GPHN: variants seen among roughly 807,000 people sequenced by gnomAD.
GPHN encodes the protein gephyrin.
A neutral mutation model predicts 95.5 loss-of-function variants in GPHN; 17 were observed. The ratio of observed to expected loss-of-function variants is 0.18; its 90% CI spans 0.12 to 0.27. The LOEUF (loss-of-function observed/expected upper bound fraction) is 0.27, where lower values mean the gene tolerates loss of function less well. Among genes scored for constraint, GPHN ranks in the 10% least tolerant of loss-of-function variants. The pLI, the probability that GPHN is intolerant of heterozygous loss-of-function variation, is 1.00. For missense variants in GPHN, 660 were observed against 978.1 expected, an observed-to-expected ratio of 0.67 and a Z score of 4.34; for synonymous variants, 320 against 322.5, an observed-to-expected ratio of 0.99 and a Z score of 0.08.
the GPHN span, among the ~76,000 whole-genome samples, chr14:67,553,532 C>T: frequency 6.6e-6 from 1 of 152,176 alleles, no homozygotes; most frequent in African/African-American, 2.4e-5. Flanking sequence ...TGGCTCCAGC[C>T]TCTGATCTCT....
chr14:67,307,041 G>C, the GPHN span, among the ~76,000 whole-genome samples: 1 of 151,706 alleles, frequency 6.6e-6, no homozygotes, highest in Non-Finnish European at 1.5e-5. Flanking sequence ...ATGATGTCAT[G>C]TATGGCAATA....
the GPHN span, among the ~76,000 whole-genome samples, chr14:67,543,500 GA>G: frequency 6.6e-6 from 1 of 152,218 alleles, no homozygotes; most frequent in Non-Finnish European, 1.5e-5. Flanking sequence ...CGTTTGGCCA[GA>G]ACCACGTAGA....
chr14:67,595,861 G>A, the GPHN span, among the ~76,000 whole-genome samples: 18 of 152,300 alleles, frequency 1.2e-4, 1 homozygote, highest in South Asian at 3.5e-3. Context: ...GGAATCAAAT[G>A]AGTCTCCACG....
At chr14:66,560,534 C>G (rs1461333621) in intron 1 of GPHN, among the ~76,000 whole-genome samples, 4 of 152,022 alleles carry the variant, frequency 2.6e-5, no homozygotes, top group Non-Finnish European at 5.9e-5. Context: ...TGATTTGGCT[C>G]TCTGTTTGTC....
At chr14:67,562,868 C>G in the GPHN span, 8 of 1,613,038 alleles carry the variant, frequency 5.0e-6, no homozygotes, top group South Asian at 1.1e-5. Flanking sequence ...GCCACCTACA[C>G]CCCCGCTGCA....
the GPHN span, among the ~76,000 whole-genome samples, chr14:67,486,645 G>A: frequency 2.6e-5 from 4 of 152,132 alleles, no homozygotes; most frequent in Non-Finnish European, 5.9e-5. Flanking sequence ...CTTGTAATAT[G>A]TGACTTGCTT....
intron 1 of GPHN, among the ~76,000 whole-genome samples, chr14:66,586,373 T>G (rs943530035): frequency 1.3e-5 from 2 of 152,202 alleles, no homozygotes; most frequent in African/African-American, 4.8e-5. Flanking sequence ...AATTGGAGCA[T>G]TTAGCCCATT....
chr14:66,608,589 A>G (rs8012042), intron 1 of GPHN, among the ~76,000 whole-genome samples: 1,664 of 152,128 alleles, frequency 0.011, 27 homozygotes, highest in African/African-American at 0.037. Context: ...TGGGGAGTTG[A>G]CATCTCCCAG....
the GPHN span, among the ~76,000 whole-genome samples, chr14:67,426,608 T>C: frequency 3.3e-5 from 5 of 152,280 alleles, no homozygotes; most frequent in South Asian, 1.0e-3. Flanking sequence ...AGAGTTTCAC[T>C]CTTGTTGCCC....
At chr14:67,454,396 A>G in the GPHN span, 1 of 152,200 alleles carries the variant, frequency 6.6e-6, no homozygotes, top group Non-Finnish European at 1.5e-5. Context: ...TAAGGATGAT[A>G]CCTTAAATTT....
intron 17 of GPHN, among the ~76,000 whole-genome samples, chr14:67,124,276 C>T (rs1034847911): frequency 7.9e-5 from 12 of 151,966 alleles, no homozygotes; most frequent in South Asian, 4.2e-4. Flanking sequence ...GGTAGTGGTG[C>T]GCACCTGTAA....
chr14:67,059,029 A>AAAT, intron 11 of GPHN: 1 of 556,888 alleles, frequency 1.8e-6, no homozygotes. Context: ...AAAAAAAAAA[A>AAAT]GGAAGAAAAT....
At chr14:67,546,725 GGCATGGTGAT>G in the GPHN span, among the ~76,000 whole-genome samples, 1 of 152,134 alleles carries the variant, frequency 6.6e-6, no homozygotes, top group African/African-American at 2.4e-5. Flanking sequence ...ATTCTCATCA[GGCATGGTGAT>G]GCGTGCCTGT....
chr14:66,854,477 A>G (rs1218246086), intron 4 of GPHN, among the ~76,000 whole-genome samples: 1 of 152,226 alleles, frequency 6.6e-6, no homozygotes, highest in Non-Finnish European at 1.5e-5. Context: ...TACTTTTAGC[A>G]ATTTAGATAA....
intron 1 of GPHN, among the ~76,000 whole-genome samples, chr14:66,515,109 C>T (rs538753316): frequency 2.6e-5 from 4 of 152,216 alleles, no homozygotes; most frequent in Admixed American, 2.0e-4. Context: ...ATTTTTGGTT[C>T]CTTCCTCTTT....
the GPHN span, among the ~76,000 whole-genome samples, chr14:67,483,229 T>C: frequency 6.6e-6 from 1 of 152,182 alleles, no homozygotes; most frequent in East Asian, 1.9e-4. Flanking sequence ...CAGGCTGGTC[T>C]TGAACTCCTG....
intron 16 of GPHN, 104 bp downstream of exon 16, chr14:67,113,275 ATACCAGT>A: frequency 9.6e-7 from 1 of 1,039,484 alleles, no homozygotes; most frequent in Non-Finnish European, 1.5e-6. Context: ...ATTATAGATC[ATACCAGT>A]GGATCCACAT....
downstream of GPHN, among the ~76,000 whole-genome samples, chr14:67,185,945 A>G (rs2083366188): frequency 6.6e-6 from 1 of 152,236 alleles, no homozygotes; most frequent in Non-Finnish European, 1.5e-5. Context: ...GGTCTACATT[A>G]AATAATGCAT....
intron 1 of GPHN, among the ~76,000 whole-genome samples, chr14:66,555,207 T>C (rs1594944972): frequency 6.6e-6 from 1 of 152,202 alleles, no homozygotes; most frequent in African/African-American, 2.4e-5. Context: ...GTAGGTTACA[T>C]AGATGGTATA....
Sources: allele counts gnomAD v4.1 joint callset (sites outside exome capture counted in the v4.1 genomes callset), GRCh38; gene constraint gnomAD v4.1.1; transcripts MANE v1.5; gene names NCBI Gene and HGNC (gene_info 2026-07-23, HGNC 2026-07-21).